The following FAM185A variants were observed in gnomAD, a reference collection of about 807,000 sequenced individuals.
FAM185A encodes protein FAM185A.
In FAM185A, 21 loss-of-function variants were observed where a neutral mutation model predicts 45.7. The observed-to-expected ratio is 0.46, with a 90% CI of 0.33 to 0.66. FAM185A has a LOEUF of 0.66. Ranked by LOEUF, FAM185A falls within the 30% of genes least tolerant of loss-of-function variation. The pLI is 0.03. For synonymous variants in FAM185A, 117 were observed against 194.0 expected (o/e 0.60, Z 3.30); for missense variants, 305 against 485.4 (o/e 0.63, Z 3.49).
At chr7:102,814,010 G>T (rs1364030115), downstream of FAM185A, among the ~76,000 whole-genome samples, 1 of 151,976 alleles carries the variant, frequency 6.6e-6, no homozygotes, top group Non-Finnish European at 1.5e-5. Context: ...ATGCAGTTTT[G>T]TCTATAATAC....
the FAM185A span, among the ~76,000 whole-genome samples, chr7:102,838,958 AAAGAGGAAGGCCTCTTGCAGTTGAGAT>A: frequency 1.8e-4 from 27 of 152,318 alleles, no homozygotes; most frequent in East Asian, 1.5e-3. Flanking sequence ...GAGGATAGTA[AAAGAGGAAGGCCTCTTGCAGTTGAGAT>A]AAGAGGAAGG....
intron 1 of FAM185A, 106 bp downstream of exon 1, chr7:102,749,764 A>G: frequency 1.4e-6 from 2 of 1,457,598 alleles, no homozygotes; most frequent in South Asian, 1.5e-5. Flanking sequence ...CTCTAAACCT[A>G]ATTTACAGTT....
At chr7:102,848,033 C>G in the FAM185A span, among the ~76,000 whole-genome samples, 1 of 152,024 alleles carries the variant, frequency 6.6e-6, no homozygotes, top group Non-Finnish European at 1.5e-5. Flanking sequence ...ATAGATGTAC[C>G]TTTACATATA....
intron 2 of FAM185A, among the ~76,000 whole-genome samples, chr7:102,753,114 G>A (rs193023114): frequency 2.4e-4 from 36 of 152,294 alleles, no homozygotes; most frequent in Middle Eastern, 3.4e-3. Context: ...AGCAAAATAA[G>A]TTGGTTCAGA....
chr7:102,782,555 T>C (rs1562864397), intron 6 of FAM185A, among the ~76,000 whole-genome samples: 1 of 152,108 alleles, frequency 6.6e-6, no homozygotes, highest in Non-Finnish European at 1.5e-5. Context: ...AAACTAAGCT[T>C]CATAAGTGAA....
the FAM185A span, among the ~76,000 whole-genome samples, chr7:102,826,621 A>G: frequency 4.7e-5 from 7 of 148,944 alleles, no homozygotes; most frequent in Non-Finnish European, 8.9e-5. Context: ...GCTACTCAGG[A>G]GGCTGAGGTG....
the FAM185A span, among the ~76,000 whole-genome samples, chr7:102,824,019 G>T: frequency 6.6e-6 from 1 of 152,218 alleles, no homozygotes; most frequent in African/African-American, 2.4e-5. Flanking sequence ...AAAAGTCCAG[G>T]GGAGGTGGAG....
intron 6 of FAM185A, among the ~76,000 whole-genome samples, chr7:102,780,823 G>A (rs1367922617): frequency 6.6e-6 from 1 of 152,186 alleles, no homozygotes; most frequent in Admixed American, 6.5e-5. Flanking sequence ...GCAGGACAGT[G>A]GGCGCAGCGC....
chr7:102,783,116 T>A (rs1314016765), intron 6 of FAM185A, among the ~76,000 whole-genome samples: 1 of 151,748 alleles, frequency 6.6e-6, no homozygotes, highest in Non-Finnish European at 1.5e-5. Flanking sequence ...TAAATATATA[T>A]GCACCCAATA....
chr7:102,783,664 T>C (rs1280029196), intron 6 of FAM185A, among the ~76,000 whole-genome samples: 1 of 152,074 alleles, frequency 6.6e-6, no homozygotes, highest in Non-Finnish European at 1.5e-5. Context: ...ATCTCTGGTA[T>C]GCTCTGGTAT....
intron 7 of FAM185A, among the ~76,000 whole-genome samples, chr7:102,797,272 C>G (rs892330343): frequency 2.6e-5 from 4 of 152,026 alleles, no homozygotes; most frequent in Admixed American, 6.5e-5. Flanking sequence ...ACCATACTGG[C>G]TAACATGGTG....
At chr7:102,834,898 G>GTC in the FAM185A span, among the ~76,000 whole-genome samples, 1 of 151,750 alleles carries the variant, frequency 6.6e-6, no homozygotes, top group African/African-American at 2.4e-5. Context: ...GTGTGTGTGT[G>GTC]TGTGTGTGTG....
At chr7:102,751,520 C>A (rs1481036637) in intron 1 of FAM185A, among the ~76,000 whole-genome samples, 172 bp from the exon 2 acceptor site, 2 of 148,594 alleles carry the variant, frequency 1.3e-5, no homozygotes, top group Non-Finnish European at 3.0e-5. Context: ...GGCAGAAAGG[C>A]TATTGTTTTT....
At chr7:102,839,677 C>A in the FAM185A span, among the ~76,000 whole-genome samples, 1 of 152,112 alleles carries the variant, frequency 6.6e-6, no homozygotes, top group Admixed American at 6.6e-5. Context: ...GAACTCCTGA[C>A]CTCAGGGATC....
chr7:102,834,086 AAAAGAAAG>A, the FAM185A span, among the ~76,000 whole-genome samples: 2,406 of 93,386 alleles, frequency 0.026, 67 homozygotes, highest in Non-Finnish European at 0.034. Context: ...GGAAGGAAAG[AAAAGAAAG>A]AAAGAAAGAA....
chr7:102,837,140 G>A, the FAM185A span, among the ~76,000 whole-genome samples: 4 of 152,172 alleles, frequency 2.6e-5, no homozygotes, highest in Admixed American at 1.3e-4. Context: ...CCATGAGATG[G>A]AGAGCTACAC....
intron 7 of FAM185A, among the ~76,000 whole-genome samples, chr7:102,795,375 G>C (rs1358916904): frequency 6.6e-6 from 1 of 152,164 alleles, no homozygotes; most frequent in African/African-American, 2.4e-5. Flanking sequence ...AAAGAAGGCA[G>C]GGAGAGGGAG....
the FAM185A span, among the ~76,000 whole-genome samples, chr7:102,816,909 G>A: frequency 4.4e-3 from 672 of 152,278 alleles, 17 homozygotes; most frequent in Admixed American, 0.038. Context: ...GCCTCCAGCC[G>A]CATCCATGTT....
chr7:102,765,328 T>C (rs915867753), intron 4 of FAM185A, among the ~76,000 whole-genome samples: 7 of 152,170 alleles, frequency 4.6e-5, no homozygotes, highest in Non-Finnish European at 1.0e-4. Flanking sequence ...AAAATGTAGA[T>C]GTTCCATACA....
Sources: gnomAD v4.1 joint callset for allele counts (sites outside exome capture counted in the v4.1 genomes callset) on GRCh38, gnomAD v4.1.1 for gene constraint, MANE v1.5 for transcripts, NCBI Gene and HGNC (gene_info 2026-07-23, HGNC 2026-07-21) for gene names.